Variants in ADAMTSL1 observed in about 807,000 individuals in gnomAD.
ADAMTSL1 encodes the protein ADAMTS like 1, also known as ADAMTS-like protein 1.
In ADAMTSL1, 126 loss-of-function variants were observed where a neutral mutation model predicts 201.8. The ratio of observed to expected loss-of-function variants is 0.62; its 90% CI spans 0.54 to 0.72. The LOEUF is 0.72. Ranked by LOEUF, ADAMTSL1 falls within the 30% of genes least tolerant of loss-of-function variation. The pLI, the probability that ADAMTSL1 is intolerant of heterozygous loss-of-function variation, is 0.00. For synonymous variants in ADAMTSL1, 1,121 were observed against 903.4 expected, an observed-to-expected ratio of 1.24 and a Z score of -4.32; for missense variants, 2,679 against 2,277.8, an observed-to-expected ratio of 1.18 and a Z score of -3.59.
chr9:18,328,407 A>AT (rs1834909050), intron 2 of ADAMTSL1, among the ~76,000 whole-genome samples: 3 of 152,206 alleles, frequency 2.0e-5, no homozygotes, highest in African/African-American at 7.2e-5. Flanking sequence ...ACCAACCAGC[A>AT]TTTATTAAGC....
chr9:18,304,846 A>G (rs1833847139), intron 2 of ADAMTSL1, among the ~76,000 whole-genome samples: 1 of 152,232 alleles, frequency 6.6e-6, no homozygotes, highest in Admixed American at 6.5e-5. Flanking sequence ...AACTATTTTT[A>G]TAAGAAATAG....
intron 14 of ADAMTSL1, among the ~76,000 whole-genome samples, chr9:18,709,948 T>C (rs1382967833): frequency 1.3e-5 from 2 of 152,348 alleles, no homozygotes; most frequent in East Asian, 3.9e-4. Context: ...CCCAGAATCA[T>C]CAAGTACTGT....
intron 1 of ADAMTSL1, among the ~76,000 whole-genome samples, chr9:17,940,543 A>C (rs142395116): frequency 6.6e-6 from 1 of 152,050 alleles, no homozygotes; most frequent in East Asian, 1.9e-4. Flanking sequence ...CTACTTGTTG[A>C]CCTGTTGAGT....
intron 1 of ADAMTSL1, among the ~76,000 whole-genome samples, chr9:18,010,292 TATAATC>T (rs1819998528): frequency 6.6e-6 from 1 of 151,984 alleles, no homozygotes. Context: ...AACAATAACA[TATAATC>T]AGAAAGCAAG....
intron 2 of ADAMTSL1, among the ~76,000 whole-genome samples, chr9:18,523,975 G>A (rs912166165): frequency 1.4e-5 from 2 of 144,012 alleles, no homozygotes; most frequent in African/African-American, 5.2e-5. Context: ...CCAATTCTGT[G>A]AAGAAAGTCA....
At chr9:18,168,043 T>C (rs1232413196) in intron 2 of ADAMTSL1, among the ~76,000 whole-genome samples, 3 of 152,008 alleles carry the variant, frequency 2.0e-5, no homozygotes, top group African/African-American at 7.2e-5. Context: ...TAATCGCAAA[T>C]GTACACATGC....
intron 19 of ADAMTSL1, among the ~76,000 whole-genome samples, chr9:18,782,626 G>C (rs1174735739): frequency 6.6e-6 from 1 of 152,166 alleles, no homozygotes; most frequent in Non-Finnish European, 1.5e-5. Flanking sequence ...ACACATAAAA[G>C]TAAGCAAGAA....
intron 19 of ADAMTSL1, among the ~76,000 whole-genome samples, chr9:18,779,131 C>T (rs56016185): frequency 0.084 from 12,789 of 152,196 alleles, 630 homozygotes; most frequent in South Asian, 0.12. Flanking sequence ...TCCAGTTTTA[C>T]GTAGAAAACC....
chr9:18,498,359 G>A (rs1205933245), intron 1 of ADAMTSL1, among the ~76,000 whole-genome samples: 2 of 127,448 alleles, frequency 1.6e-5, no homozygotes, highest in Admixed American at 1.6e-4. Flanking sequence ...TTTTTGAGAT[G>A]GGATTTTACT....
At chr9:18,815,978 T>C (rs537273628) in intron 20 of ADAMTSL1, among the ~76,000 whole-genome samples, 2 of 152,314 alleles carry the variant, frequency 1.3e-5, no homozygotes, top group Non-Finnish European at 2.9e-5. Flanking sequence ...CAACACTTCT[T>C]ATATTTATCA....
intron 2 of ADAMTSL1, among the ~76,000 whole-genome samples, chr9:18,279,688 T>G (rs920371863): frequency 1.3e-5 from 2 of 151,808 alleles, no homozygotes; most frequent in Admixed American, 1.3e-4. Flanking sequence ...TTGAACAACA[T>G]GTTTGAACTA....
chr9:18,090,645 A>G (rs568902418), intron 1 of ADAMTSL1, among the ~76,000 whole-genome samples: 18 of 152,326 alleles, frequency 1.2e-4, no homozygotes, highest in African/African-American at 3.6e-4. Context: ...TAATTGCGGA[A>G]TGTGAAAAAG....
At chr9:18,373,961 C>T (rs917628724) in intron 2 of ADAMTSL1, among the ~76,000 whole-genome samples, 5 of 152,182 alleles carry the variant, frequency 3.3e-5, no homozygotes, top group African/African-American at 1.2e-4. Context: ...ATGTATTGGG[C>T]AGTTATCATA....
chr9:18,123,558 A>G (rs547171396), intron 1 of ADAMTSL1, among the ~76,000 whole-genome samples: 159 of 152,308 alleles, frequency 1.0e-3, no homozygotes, highest in Middle Eastern at 3.4e-3. Context: ...TACATAGATC[A>G]CCTTTCCTTC....
intron 25 of ADAMTSL1, among the ~76,000 whole-genome samples, chr9:18,891,382 A>ATTTTTTTTGTAAAACCAAAGAGTGGGAT: frequency 6.6e-6 from 1 of 152,144 alleles, no homozygotes; most frequent in South Asian, 2.1e-4. Context: ...AAAGAGTGGG[A>ATTTTTTTTGTAAAACCAAAGAGTGGGAT]TTTTTTTGTT....
intron 1 of ADAMTSL1, among the ~76,000 whole-genome samples, chr9:18,153,806 C>G (rs1171019821): frequency 1.3e-5 from 2 of 151,946 alleles, no homozygotes; most frequent in Non-Finnish European, 2.9e-5. Context: ...AAGTATGATA[C>G]TAAAATTTTT....
chr9:18,347,730 A>G (rs1835787701), intron 2 of ADAMTSL1, among the ~76,000 whole-genome samples: 1 of 152,112 alleles, frequency 6.6e-6, no homozygotes, highest in Non-Finnish European at 1.5e-5. Flanking sequence ...TGCTCATGCC[A>G]TTTATCACTG....
intron 1 of ADAMTSL1, among the ~76,000 whole-genome samples, chr9:18,490,136 G>A (rs1285150819): frequency 6.6e-6 from 1 of 152,158 alleles, no homozygotes; most frequent in African/African-American, 2.4e-5. Context: ...TTTACTGCAT[G>A]TGTCCTGGCA....
At chr9:18,008,065 G>A (rs1397273397) in intron 1 of ADAMTSL1, among the ~76,000 whole-genome samples, 1 of 151,936 alleles carries the variant, frequency 6.6e-6, no homozygotes, top group African/African-American at 2.4e-5. Flanking sequence ...TGATAACACT[G>A]CATTGGTAAT....
Sources: allele counts gnomAD v4.1 joint callset (sites outside exome capture counted in the v4.1 genomes callset), GRCh38; gene constraint gnomAD v4.1.1; transcripts MANE v1.5; gene names NCBI Gene and HGNC (gene_info 2026-07-23, HGNC 2026-07-21).